MYL1: variants seen among roughly 807,000 people sequenced by gnomAD.
MYL1 encodes the protein myosin light chain 1/3, skeletal muscle isoform.
In MYL1, 16 loss-of-function variants were observed where a neutral mutation model predicts 21.8. The observed-to-expected ratio is 0.74, with a 90% CI of 0.50 to 1.12. MYL1 has a LOEUF of 1.12. MYL1 is among the 50% of genes most tolerant of loss of function. The pLI is 0.00. For synonymous variants in MYL1, 99 were observed against 85.2 expected (o/e 1.16, Z -0.89); for missense variants, 246 against 241.0 (o/e 1.02, Z -0.14).
In MYL1 at chr2:210,315,013, A is replaced by G. The variant is rs1170999965; in HGVS notation, c.30T>C (p.Pro10=). The part of the protein sequence containing the change: MAPKKDVKK[P]VAAAAAAPAP... ...CTGGGGCAGCCGCAGCCGCAGCCAC[A>G]GGTTTCTTCACGTCTTTCTTTGGTG... Residue 10 remains proline, a synonymous_variant, in exon 1 of 7, where the codon CCT becomes CCC. Transcript: ENST00000352451. 11 of 1,601,672 alleles carry G rather than the reference A, an allele frequency of 6.9e-6. No individual in the cohort carries two copies. Among genetic ancestry groups the G allele is most frequent in the Non-Finnish European group, 9.3e-6 (11 of 1,176,958 alleles).
chr2:210,291,558 C>A, intron 5 of MYL1, among the ~76,000 whole-genome samples: 1 of 152,134 alleles, frequency 6.6e-6, no homozygotes, highest in East Asian at 1.9e-4. Flanking sequence ...TATACAAGAC[C>A]ACATAAATAT....
chr2:210,298,546 GA>G lies in MYL1; in HGVS notation c.177del (p.Leu60SerfsTer13). 1 of 1,614,006 alleles carries G rather than the reference GA, an allele frequency of 6.2e-7. No homozygotes were observed. The highest frequency in any genetic ancestry group is 8.5e-7 in the Non-Finnish European group (1 of 1,179,970). ...GAATCACCTGTTCTGTCAAACAGGAGAAATGCCTCCTTGAATTCTGCAAAAA... is the reference window on the plus strand; with the variant it reads ...GAATCACCTGTTCTGTCAAACAGGAGAATGCCTCCTTGAATTCTGCAAAAA... ...KEQQDEFKEA[F>X]LLFDRTGDSK... is the part of the protein sequence containing the mutation. On this transcript the variant is annotated frameshift_variant, in exon 3 of 7. Coordinates refer to ENST00000352451, the MANE Select transcript of MYL1 (RefSeq NM_079420.3). LOFTEE classifies it high-confidence loss of function.
chr2:210,291,440 T>C (rs182324000), intron 5 of MYL1, among the ~76,000 whole-genome samples: 35 of 152,278 alleles, frequency 2.3e-4, no homozygotes, highest in East Asian at 2.1e-3. Context: ...GGTTAAAATA[T>C]TTTCTTTAAC....
chr2:210,297,483 G>A (rs1690192513), intron 3 of MYL1, among the ~76,000 whole-genome samples: 2 of 148,038 alleles, frequency 1.4e-5, no homozygotes, highest in Admixed American at 1.3e-4. Context: ...TGTCTATTCA[G>A]TTCATTTGCC....
chr2:210,292,870 A>G (rs994872658), intron 5 of MYL1, among the ~76,000 whole-genome samples: 1 of 152,158 alleles, frequency 6.6e-6, no homozygotes, highest in Non-Finnish European at 1.5e-5. Context: ...ATGATTCTCT[A>G]TGGAGTGTAT....
rs1189855706 is a variant in MYL1, at chr2:210,298,450, T to C, written c.274A>G (p.Arg92Gly). The C allele has an allele frequency of 6.2e-7, 1 of 1,613,988 alleles. No individual in the cohort carries two copies. The highest frequency in any genetic ancestry group is 1.7e-5 in the Admixed American group (1 of 59,976). The part of the protein sequence containing the change: ...LGTNPTNAEV[R>G]KVLGNPSNEE... ...TTGCTGGGGTTTCCCAGAACTTTCC[T>C]GACCTCTGCATTGGTGGGATTTGTG... Residue 92 changes from arginine (R) to glycine (G), a missense_variant, in exon 3 of 7, where the codon AGG becomes GGG. Physicochemically the swap from Arg to Gly is moderately radical, Grantham distance 125. Coordinates refer to ENST00000352451, the MANE Select transcript of MYL1 (RefSeq NM_079420.3).
chr2:210,298,482 G>T lies in MYL1; in HGVS notation c.242C>A (p.Ala81Asp). The T allele has an allele frequency of 6.2e-7, 1 of 1,614,048 alleles. No individual in the cohort carries two copies. Among genetic ancestry groups the T allele is most frequent in the East Asian group, 2.2e-5 (1 of 44,874 alleles). ...TLSQVGDVLR[A>D]LGTNPTNAEV... ...TGCATTGGTGGGATTTGTGCCCAGA[G>T]CTCGAAGGACATCACCGACCTGGCT... The change falls in exon 3 of 7, where the codon GCT becomes GAT. Residue 81 changes from alanine to aspartate, a missense_variant. Ala to Asp is a moderately radical substitution (Grantham distance 126). Transcript: ENST00000352451.
intron 1 of MYL1, among the ~76,000 whole-genome samples, chr2:210,305,977 T>A (rs1385471299): frequency 1.3e-5 from 2 of 152,070 alleles, no homozygotes; most frequent in Non-Finnish European, 2.9e-5. Flanking sequence ...GGAGAATTGC[T>A]TAAACTCTGG....
chr2:210,298,552 C>G lies in MYL1; in HGVS notation c.172G>C (p.Ala58Pro), dbSNP rs1176348773. The change falls in exon 3 of 7, where the codon GCA becomes CCA. Residue 58 changes from alanine (A) to proline (P), a missense_variant. Coordinates refer to ENST00000352451, the MANE Select transcript of MYL1 (RefSeq NM_079420.3). Reference sequence around the variant, plus strand: ...CCTGTTCTGTCAAACAGGAGAAATGCCTCCTTGAATTCTGCAAAAAGCAAG... The same window carrying G: ...CCTGTTCTGTCAAACAGGAGAAATGGCTCCTTGAATTCTGCAAAAAGCAAG... The part of the protein sequence containing the change: ...SKEQQDEFKE[A>P]FLLFDRTGDS... 3.1e-6 allele frequency: 5 copies of G among 1,613,792 alleles called. No individual in the cohort carries two copies. The Admixed American group carries it at 8.3e-5, about 27-fold the overall frequency.
At chr2:210,309,440 T>A (rs2125744377) in intron 1 of MYL1, among the ~76,000 whole-genome samples, 1 of 152,176 alleles carries the variant, frequency 6.6e-6, no homozygotes, top group Admixed American at 6.5e-5. Flanking sequence ...CTTCTCTGGC[T>A]TCACTTCACT....
chr2:210,311,600 T>C (rs568951434), intron 1 of MYL1, among the ~76,000 whole-genome samples: 6 of 152,188 alleles, frequency 3.9e-5, no homozygotes, highest in African/African-American at 1.4e-4. Flanking sequence ...ACAGCAATAC[T>C]GACATATAAT....
chr2:210,313,002 TAAAC>T (rs1237487896), intron 1 of MYL1, among the ~76,000 whole-genome samples: 1 of 152,042 alleles, frequency 6.6e-6, no homozygotes. Context: ...GACAGAATAA[TAAAC>T]AAATTTTCAA....
At chr2:210,293,943 A>G (rs1690126354) in intron 4 of MYL1, 143 bp from the exon 5 acceptor site, 1 of 733,152 alleles carries the variant, frequency 1.4e-6, no homozygotes, top group African/African-American at 1.8e-5. Flanking sequence ...TACTTAATAT[A>G]TTGTCAACTA....
intron 1 of MYL1, among the ~76,000 whole-genome samples, chr2:210,308,399 A>AATATATATAT (rs71043988): frequency 0.026 from 2,212 of 83,940 alleles, 122 homozygotes; most frequent in African/African-American, 0.03. Context: ...TACTTAGGCT[A>AATATATATAT]ATATATATAT....
intron 1 of MYL1, chr2:210,303,757 C>A: frequency 2.2e-6 from 1 of 457,874 alleles, no homozygotes; most frequent in East Asian, 3.8e-5. Context: ...TGGATCTGTA[C>A]CCTGAGAGCT....
chr2:210,302,352 G>A (rs577139215), intron 2 of MYL1, 136 bp downstream of exon 2: 21 of 700,150 alleles, frequency 3.0e-5, no homozygotes, highest in Middle Eastern at 2.5e-4. Context: ...TAGAGTGATC[G>A]AGAGCAATTT....
chr2:210,297,495 AT>A (rs369293549), intron 3 of MYL1, among the ~76,000 whole-genome samples: 1 of 144,494 alleles, frequency 6.9e-6, no homozygotes, highest in East Asian at 2.0e-4. Context: ...TCATTTGCCC[AT>A]TTTTTTATTG....
chr2:210,303,838 C>T (rs937971902), intron 1 of MYL1, among the ~76,000 whole-genome samples: 5 of 152,132 alleles, frequency 3.3e-5, no homozygotes, highest in Admixed American at 6.5e-5. Flanking sequence ...CTTTTATGGT[C>T]TTTATTTCCA....
chr2:210,297,328 A>AT (rs1559660337), intron 3 of MYL1, among the ~76,000 whole-genome samples: 1 of 151,980 alleles, frequency 6.6e-6, no homozygotes, highest in East Asian at 1.9e-4. Context: ...CACAGCATTT[A>AT]TTTTTTGTCT....
Sources: allele counts gnomAD v4.1 joint callset (sites outside exome capture counted in the v4.1 genomes callset), GRCh38; gene constraint gnomAD v4.1.1; transcripts MANE v1.5; gene names NCBI Gene and HGNC (gene_info 2026-07-23, HGNC 2026-07-21).